MKRN1: variants seen among roughly 807,000 people sequenced by gnomAD.
MKRN1 encodes the protein E3 ubiquitin-protein ligase makorin-1.
In MKRN1, 9 loss-of-function variants were observed where a neutral mutation model predicts 55.5. The observed-to-expected ratio is 0.16, with a 90% CI of 0.10 to 0.28. The LOEUF (loss-of-function observed/expected upper bound fraction) is 0.28, where lower values mean the gene tolerates loss of function less well. Among genes scored for constraint, MKRN1 ranks in the 10% least tolerant of loss-of-function variants. The pLI is 1.00. For missense variants in MKRN1, 488 were observed against 626.7 expected, an observed-to-expected ratio of 0.78 and a Z score of 2.36; for synonymous variants, 253 against 235.9, an observed-to-expected ratio of 1.07 and a Z score of -0.66.
intron 2 of MKRN1, among the ~76,000 whole-genome samples, chr7:140,468,595 G>C (rs757997807): frequency 6.6e-6 from 1 of 151,040 alleles, no homozygotes; most frequent in South Asian, 2.1e-4. Context: ...CAGCTACTCC[G>C]GAGGTTGAGG....
At chr7:140,454,769 GCAGTATC>G (rs1483452626) in intron 7 of MKRN1, 40 bp from the exon 8 acceptor site, 1 of 1,582,704 alleles carries the variant, frequency 6.3e-7, no homozygotes, top group Non-Finnish European at 8.7e-7. Context: ...GCACTGTCGA[GCAGTATC>G]TTCTATCCTG....
chr7:140,468,893 C>T (rs1794843010), intron 2 of MKRN1, among the ~76,000 whole-genome samples: 2 of 143,640 alleles, frequency 1.4e-5, no homozygotes, highest in East Asian at 3.9e-4. Context: ...AAGATCTTCT[C>T]TTTCCCCTCA....
intron 4 of MKRN1, among the ~76,000 whole-genome samples, chr7:140,457,136 T>A (rs1794488340): frequency 6.6e-6 from 1 of 152,176 alleles, no homozygotes; most frequent in South Asian, 2.1e-4. Flanking sequence ...CAATTTTCTC[T>A]ACCCCAAACC....
At position 140,457,030 on chromosome 7, in the gene MKRN1, G is replaced by A. The variant is rs1488503418; in HGVS notation, c.772-164C>T. On this transcript the variant is annotated intron_variant, in intron 4 of 7. Transcript: ENST00000255977. Reference sequence around the variant, plus strand: ...TTTGCTGACAAGTAAACACAGGTGTGGTGTTTTTTTTTTGTTTGTTTGTTT... The same window carrying A: ...TTTGCTGACAAGTAAACACAGGTGTAGTGTTTTTTTTTTGTTTGTTTGTTT... The A allele has an allele frequency of 8.7e-6, 6 of 686,676 alleles. No homozygotes were observed. In the Admixed American group the frequency reaches 1.9e-4, roughly 22 times the overall value. The allele number at this position is 686,676 out of a possible 1,614,324, so 42.5% of individuals were successfully genotyped here.
intron 2 of MKRN1, among the ~76,000 whole-genome samples, chr7:140,470,821 G>T (rs1473490061): frequency 1.3e-5 from 2 of 151,810 alleles, no homozygotes; most frequent in Non-Finnish European, 2.9e-5. Flanking sequence ...GGAAACTGAG[G>T]CAGGAGAATT....
intron 1 of MKRN1, among the ~76,000 whole-genome samples, chr7:140,476,295 CTTACTGAATGA>C (rs1795114503): frequency 6.6e-6 from 1 of 151,924 alleles, no homozygotes; most frequent in Admixed American, 6.6e-5. Flanking sequence ...GCAATGTTTA[CTTACTGAATGA>C]TTGAATAAGG....
chr7:140,461,258 T>A (rs1288464085), intron 2 of MKRN1, among the ~76,000 whole-genome samples: 2 of 152,228 alleles, frequency 1.3e-5, no homozygotes, highest in Non-Finnish European at 2.9e-5. Flanking sequence ...CTTCCAAATT[T>A]TGCCCCTATG....
chr7:140,467,352 C>G (rs972785954), intron 2 of MKRN1, among the ~76,000 whole-genome samples: 1 of 152,074 alleles, frequency 6.6e-6, no homozygotes, highest in African/African-American at 2.4e-5. Flanking sequence ...TCAAGGTTCA[C>G]TGCAAACTCT....
Position 140,469,780 on chromosome 7 carries a change from C to T in MKRN1, c.314+2103G>A, listed in dbSNP as rs149956625. On this transcript the variant is annotated intron_variant, in intron 2 of 7. Transcript: ENST00000255977. ...ATACAAAAGTTAGTGGGGTGTGGGC[C>T]GGGCGCGGTGGCTCATGCCTACAAT... Among the ~76,000 whole-genome samples, 954 of 151,972 alleles carry T rather than the reference C, an allele frequency of 6.3e-3. 10 individuals are homozygous for T. Among genetic ancestry groups the T allele is most frequent in the African/African-American group, 0.022 (901 of 41,456 alleles).
At chr7:140,457,231 T>A (rs1794491287) in intron 4 of MKRN1, among the ~76,000 whole-genome samples, 1 of 152,112 alleles carries the variant, frequency 6.6e-6, no homozygotes, top group Non-Finnish European at 1.5e-5. Context: ...AGTTAAAACC[T>A]GTCGGAAAAT....
At chr7:140,479,520 G>T, upstream of MKRN1, 1 of 617,624 alleles carries the variant, frequency 1.6e-6, no homozygotes, top group Non-Finnish European at 2.4e-6. Context: ...CTTCAACTGC[G>T]GGCCCAGAGC....
intron 3 of MKRN1, 117 bp from the exon 4 acceptor site, chr7:140,459,350 C>T: frequency 1.0e-6 from 1 of 971,872 alleles, no homozygotes; most frequent in Admixed American, 2.5e-5. Context: ...CCAAAACAGT[C>T]TACTGAACTA....
At chr7:140,456,011 G>T in intron 5 of MKRN1, 111 bp from the exon 6 acceptor site, 2 of 1,068,482 alleles carry the variant, frequency 1.9e-6, no homozygotes, top group Non-Finnish European at 2.8e-6. Flanking sequence ...TGAAAGGCAC[G>T]TGGGCATTTC....
At chr7:140,471,424 A>G (rs1794921028) in intron 2 of MKRN1, among the ~76,000 whole-genome samples, 1 of 152,172 alleles carries the variant, frequency 6.6e-6, no homozygotes, top group South Asian at 2.1e-4. Context: ...TTTAACATCC[A>G]CAGATAATAC....
chr7:140,457,939 C>T (rs1794513439), intron 4 of MKRN1, among the ~76,000 whole-genome samples: 1 of 152,140 alleles, frequency 6.6e-6, no homozygotes, highest in South Asian at 2.1e-4. Context: ...ACATGCCTCA[C>T]ACCCTAAAAC....
chr7:140,463,459 A>G (rs1196695634), intron 2 of MKRN1, among the ~76,000 whole-genome samples: 1 of 152,236 alleles, frequency 6.6e-6, no homozygotes, highest in African/African-American at 2.4e-5. Context: ...CTCTAGCTAT[A>G]CCTGCAAGTG....
chr7:140,454,441 C>T lies in MKRN1; in HGVS notation c.*76G>A. The T allele has an allele frequency of 2.1e-6, 3 of 1,413,072 alleles. No homozygotes were observed. The highest frequency in any genetic ancestry group is 2.9e-6 in the Non-Finnish European group (3 of 1,017,534). 87.5% of individuals were successfully genotyped at this position (1,413,072 alleles called of 1,614,324 possible). A position where few individuals can be genotyped will look rare whatever the true frequency, so the allele number is the denominator to read the frequency against. ...TGAGAGGCCTGCCTAGGAGAGAACA[C>T]AGGCACTGCCACACCACCACAGGGG... is the stretch of plus-strand genomic sequence containing the variant. On this transcript the variant is annotated 3_prime_UTR_variant, in exon 8 of 8. Transcript: ENST00000255977.
Position 140,466,066 on chromosome 7 carries a change from C to G in MKRN1, c.314+5817G>C, listed in dbSNP as rs181554815. Among the ~76,000 whole-genome samples the G allele has an allele frequency of 2.3e-3, 357 of 151,932 alleles. 3 individuals carry two copies. The highest frequency in any genetic ancestry group is 3.6e-3 in the Non-Finnish European group (246 of 67,964). ...ACTGCACTCCAGCCTGGTGACAGAG[C>G]GAGACTCCATCTCAAAAAAAACAAA... On this transcript the variant is annotated intron_variant, in intron 2 of 7. Transcript: ENST00000255977.
Position 140,456,782 on chromosome 7 carries a change from C to T in MKRN1, c.856G>A (p.Glu286Lys). The T allele has an allele frequency of 6.2e-7, 1 of 1,614,010 alleles. No homozygotes were observed. The highest frequency in any genetic ancestry group is 8.5e-7 in the Non-Finnish European group (1 of 1,179,930). Residue 286 changes from glutamate (E) to lysine (K), a missense_variant, in exon 5 of 8, where the codon GAG becomes AAG. Glu to Lys is a moderately conservative substitution (Grantham distance 56). Coordinates refer to ENST00000255977, the MANE Select transcript of MKRN1 (RefSeq NM_013446.4). ...GGGTTGGCTTTCTCATAGACCACCT[C>T]CATGCAGATCCCACACACCATGTCC... is the stretch of plus-strand genomic sequence containing the variant. The part of the protein sequence containing the change: ...SKDMVCGICM[E>K]VVYEKANPSE...
Sources: gnomAD v4.1 joint callset for allele counts (sites outside exome capture counted in the v4.1 genomes callset) on GRCh38, gnomAD v4.1.1 for gene constraint, MANE v1.5 for transcripts, NCBI Gene and HGNC (gene_info 2026-07-23, HGNC 2026-07-21) for gene names.